Variants in CLSTN2 observed in about 807,000 individuals in gnomAD.
The protein encoded by CLSTN2 is calsyntenin 2.
CLSTN2 carries 48 observed loss-of-function variants against 101.2 expected under a neutral mutation model. That is an observed-to-expected ratio of 0.47 (90% CI 0.38 to 0.60). The LOEUF is 0.60. Ranked by LOEUF, CLSTN2 falls within the 20% of genes least tolerant of loss-of-function variation. CLSTN2 has a pLI of 0.00. For missense variants in CLSTN2, 1,160 were observed against 1,238.2 expected (o/e 0.94, Z 0.95); for synonymous variants, 481 against 463.6 (o/e 1.04, Z -0.48).
chr3:140,186,265 G>A (rs2010484248), intron 2 of CLSTN2, among the ~76,000 whole-genome samples: 2 of 152,138 alleles, frequency 1.3e-5, no homozygotes, highest in Non-Finnish European at 2.9e-5. Flanking sequence ...TTAATACCAG[G>A]TCAAATTTCT....
chr3:140,010,749 C>A (rs535600859), intron 1 of CLSTN2, among the ~76,000 whole-genome samples: 2 of 152,352 alleles, frequency 1.3e-5, no homozygotes, highest in African/African-American at 4.8e-5. Flanking sequence ...GCATGCTAGA[C>A]TTCCTGGAGC....
intron 1 of CLSTN2, among the ~76,000 whole-genome samples, chr3:140,103,099 G>A (rs1477335274): frequency 6.6e-6 from 1 of 152,176 alleles, no homozygotes; most frequent in African/African-American, 2.4e-5. Context: ...GCTTAAGGCA[G>A]ACTGACCTCA....
intron 1 of CLSTN2, among the ~76,000 whole-genome samples, chr3:140,063,007 T>A (rs961849144): frequency 6.6e-6 from 1 of 152,246 alleles, no homozygotes; most frequent in African/African-American, 2.4e-5. Context: ...GAGATACATA[T>A]GCTTCCTTCA....
chr3:140,102,866 T>A (rs551894287), intron 1 of CLSTN2, among the ~76,000 whole-genome samples: 118 of 152,308 alleles, frequency 7.7e-4, no homozygotes, highest in African/African-American at 2.8e-3. Flanking sequence ...AAACTTTCTG[T>A]GATAAGCAAT....
chr3:140,205,013 G>A (rs76440244), intron 2 of CLSTN2, among the ~76,000 whole-genome samples: 410 of 152,284 alleles, frequency 2.7e-3, no homozygotes, highest in African/African-American at 9.1e-3. Flanking sequence ...GAGGGGTGAG[G>A]GGAGGTGGGT....
intron 5 of CLSTN2, among the ~76,000 whole-genome samples, chr3:140,440,230 C>T (rs569987960): frequency 2.0e-5 from 3 of 152,310 alleles, no homozygotes; most frequent in South Asian, 4.1e-4. Flanking sequence ...AGAGGAACAG[C>T]AGCAGTCACA....
intron 1 of CLSTN2, among the ~76,000 whole-genome samples, chr3:140,041,989 G>A (rs1324198287): frequency 6.6e-6 from 1 of 152,146 alleles, no homozygotes; most frequent in African/African-American, 2.4e-5. Context: ...CATAATGGCT[G>A]TATAATATAT....
At chr3:140,262,073 A>G (rs1043172243) in intron 2 of CLSTN2, among the ~76,000 whole-genome samples, 1 of 152,298 alleles carries the variant, frequency 6.6e-6, no homozygotes, top group East Asian at 1.9e-4. Flanking sequence ...TTAGTTTCTT[A>G]ACTTTCCTGA....
intron 2 of CLSTN2, among the ~76,000 whole-genome samples, chr3:140,311,908 C>A (rs1019243823): frequency 6.6e-6 from 1 of 152,130 alleles, no homozygotes; most frequent in African/African-American, 2.4e-5. Flanking sequence ...TATCTTGAGT[C>A]GCATCTCTAA....
At chr3:140,178,009 C>A (rs2010350793) in intron 2 of CLSTN2, among the ~76,000 whole-genome samples, 1 of 151,964 alleles carries the variant, frequency 6.6e-6, no homozygotes, top group Non-Finnish European at 1.5e-5. Context: ...ACATATGACC[C>A]CTCTTTCAAA....
At position 140,403,702 on chromosome 3, in the gene CLSTN2, A is replaced by T; in HGVS notation, c.306A>T (p.Gly102=). 1 of 1,614,162 alleles carries T rather than the reference A, an allele frequency of 6.2e-7. No individual in the cohort carries two copies. The highest frequency in any genetic ancestry group is 1.1e-5 in the South Asian group (1 of 91,078). The change falls in exon 3 of 17, where the codon GGA becomes GGT. Residue 102 remains glycine, a synonymous_variant. Coordinates refer to ENST00000458420, the MANE Select transcript of CLSTN2 (RefSeq NM_022131.3). Reference sequence around the variant, plus strand: ...CTGTGGTGCTCAACAAGACATCAGGAGAGGGCCGGCTCCGTGCCAAGAGCC... The same window carrying T: ...CTGTGGTGCTCAACAAGACATCAGGTGAGGGCCGGCTCCGTGCCAAGAGCC... ...FEAVVLNKTS[G]EGRLRAKSPI...
intron 1 of CLSTN2, among the ~76,000 whole-genome samples, chr3:140,114,480 A>G (rs544426948): frequency 3.4e-4 from 51 of 152,210 alleles, no homozygotes; most frequent in African/African-American, 1.1e-3. Context: ...CTGTGAGTCT[A>G]TCTAAAGCTG....
chr3:140,119,241 C>A (rs1266621308), intron 1 of CLSTN2, among the ~76,000 whole-genome samples: 1 of 152,218 alleles, frequency 6.6e-6, no homozygotes, highest in Non-Finnish European at 1.5e-5. Context: ...TGTCCCCACT[C>A]AGCAGAATCC....
rs2107792420 is a variant in CLSTN2, at chr3:140,558,779, G to T, written c.1963G>T (p.Gly655Ter). Residue 655 changes from glycine (G) to a stop codon, truncating the protein, a stop_gained, in exon 12 of 17, where the codon GGA becomes TGA. Coordinates refer to ENST00000458420, the MANE Select transcript of CLSTN2 (RefSeq NM_022131.3). LOFTEE classifies it high-confidence loss of function. ...TGCTGCCCAGTTTGAAAGTGCCAGGGGAGTGACCCTCTTCCCTGATATCAA... is the reference window on the plus strand; with the variant it reads ...TGCTGCCCAGTTTGAAAGTGCCAGGTGAGTGACCCTCTTCCCTGATATCAA... ...RPAAQFESAR[G>*]VTLFPDIKIV... 1 of 1,614,018 alleles carries T rather than the reference G, an allele frequency of 6.2e-7. No individual in the cohort carries two copies. Among genetic ancestry groups the T allele is most frequent in the East Asian group, 2.2e-5 (1 of 44,850 alleles).
chr3:140,556,016 A>G (rs1224073387), intron 10 of CLSTN2, among the ~76,000 whole-genome samples: 1 of 152,244 alleles, frequency 6.6e-6, no homozygotes, highest in Non-Finnish European at 1.5e-5. Flanking sequence ...TGAGAGAGAA[A>G]GAAAGCCATT....
chr3:140,147,733 AC>A (rs1405911790), intron 1 of CLSTN2, among the ~76,000 whole-genome samples: 1 of 152,018 alleles, frequency 6.6e-6, no homozygotes, highest in Non-Finnish European at 1.5e-5. Flanking sequence ...ACAGTATTCT[AC>A]CCTCAGGGAG....
chr3:140,500,786 A>G (rs1054118436), intron 8 of CLSTN2, among the ~76,000 whole-genome samples: 4 of 152,168 alleles, frequency 2.6e-5, no homozygotes, highest in African/African-American at 9.7e-5. Context: ...CTGAGGAGAA[A>G]ATGGAATATT....
At chr3:140,258,398 G>C (rs781125893) in intron 2 of CLSTN2, among the ~76,000 whole-genome samples, 5 of 152,126 alleles carry the variant, frequency 3.3e-5, no homozygotes, top group Non-Finnish European at 7.4e-5. Flanking sequence ...CTTTGGGAAG[G>C]CATTATTTCC....
chr3:140,241,195 T>C (rs1024784924), intron 2 of CLSTN2, among the ~76,000 whole-genome samples: 3 of 152,188 alleles, frequency 2.0e-5, no homozygotes, highest in African/African-American at 7.2e-5. Context: ...TTTGTCAAAT[T>C]GTGCCTACCC....
Sources: allele counts gnomAD v4.1 joint callset (sites outside exome capture counted in the v4.1 genomes callset), GRCh38; gene constraint gnomAD v4.1.1; transcripts MANE v1.5; gene names NCBI Gene and HGNC (gene_info 2026-07-23, HGNC 2026-07-21).